Variants in OPRM1 observed in about 807,000 individuals in gnomAD.
OPRM1 encodes mu-type opioid receptor.
In OPRM1, 27 loss-of-function variants were observed where a neutral mutation model predicts 31.8. That is an observed-to-expected ratio of 0.85 (90% CI 0.63 to 1.17). OPRM1 has a LOEUF of 1.17. Among genes scored for constraint, OPRM1 ranks in the 50% most tolerant of loss-of-function variants. OPRM1 has a pLI of 0.00. For missense variants in OPRM1, 536 were observed against 511.1 expected (o/e 1.05, Z -0.47); for synonymous variants, 196 against 189.9 (o/e 1.03, Z -0.26).
chr6:154,108,161 AT>A (rs35119352), intron 3 of OPRM1: 99,726 of 432,742 alleles, frequency 0.23, 9,638 homozygotes, highest in Middle Eastern at 0.27. Flanking sequence ...CATAAAGGAA[AT>A]TTTTTTTTTT....
At chr6:154,147,896 T>C (rs1488804681) in intron 3 of OPRM1, among the ~76,000 whole-genome samples, 1 of 152,230 alleles carries the variant, frequency 6.6e-6, no homozygotes, top group African/African-American at 2.4e-5. Context: ...CCTTGGTTCC[T>C]TGACCTATAT....
At chr6:154,190,738 TA>T (rs1377278275) in intron 3 of OPRM1, among the ~76,000 whole-genome samples, 1 of 152,228 alleles carries the variant, frequency 6.6e-6, no homozygotes, top group Non-Finnish European at 1.5e-5. Flanking sequence ...TTCATAATTT[TA>T]AAAACTTGGA....
intron 3 of OPRM1, among the ~76,000 whole-genome samples, chr6:154,092,634 A>G (rs1329579852): frequency 6.6e-6 from 1 of 152,046 alleles, no homozygotes; most frequent in Non-Finnish European, 1.5e-5. Flanking sequence ...TCTTGACCAC[A>G]CCCTGTCTCT....
chr6:154,019,645 C>G (rs188857454), intron 1 of OPRM1, among the ~76,000 whole-genome samples: 7 of 152,116 alleles, frequency 4.6e-5, no homozygotes, highest in Admixed American at 4.6e-4. Context: ...TGAAGTCACA[C>G]AGTACATAGC....
chr6:154,091,416 C>T lies in OPRM1; in HGVS notation c.1108C>T (p.Gln370Ter). The change falls in exon 3 of 4, where the codon CAG (glutamine) becomes TAG (stop). Residue 370 changes from glutamine (Q) to a stop codon, truncating the protein, a stop_gained. Coordinates refer to ENST00000330432, the MANE Select transcript of OPRM1 (RefSeq NM_000914.5). LOFTEE classifies it high-confidence loss of function. ...GCAACAAAACTCCACTCGAATTCGT[C>T]AGAACACTAGAGACCACCCCTCCAC... ...IEQQNSTRIR[Q>*]NTRDHPSTAN... is the part of the protein sequence containing the mutation. The T allele has an allele frequency of 6.2e-7, 1 of 1,613,986 alleles. No individual in the cohort carries two copies. The highest frequency in any genetic ancestry group is 8.5e-7 in the Non-Finnish European group (1 of 1,180,036).
At position 154,127,690 on chromosome 6, in the gene OPRM1, A is replaced by G. The variant is rs910855068; in HGVS notation, c.*8969A>G. 1.2e-4 allele frequency among the ~76,000 whole-genome samples: 18 copies of G among 152,204 alleles called. No homozygotes were observed. The highest frequency in any genetic ancestry group is 3.6e-4 in the African/African-American group (15 of 41,450). ...TTTGACTTAGAGCCAGTCAGAATTC[A>G]ATCTCCAATATCCTGACTAGCACAA... On this transcript the variant is annotated 3_prime_UTR_variant, in exon 4 of 4. Transcript: ENST00000330432.
intron 1 of OPRM1, chr6:154,086,786 C>G: frequency 2.0e-6 from 2 of 985,288 alleles, no homozygotes; most frequent in Non-Finnish European, 2.4e-6. Flanking sequence ...AGGAAAGTGG[C>G]AAATGCAATG....
intron 3 of OPRM1, among the ~76,000 whole-genome samples, chr6:154,238,919 G>GTT (rs202069850): frequency 1.2e-4 from 17 of 147,772 alleles, no homozygotes; most frequent in African/African-American, 4.3e-4. Flanking sequence ...ATTCTATATT[G>GTT]TTGTTTTTTT....
At chr6:154,029,002 AG>A (rs1485381717) in intron 1 of OPRM1, among the ~76,000 whole-genome samples, 1 of 152,172 alleles carries the variant, frequency 6.6e-6, no homozygotes, top group Non-Finnish European at 1.5e-5. Flanking sequence ...TGTTCTTATC[AG>A]GGGGACAATT....
At chr6:154,148,121 T>C (rs985793537) in intron 3 of OPRM1, among the ~76,000 whole-genome samples, 1 of 152,184 alleles carries the variant, frequency 6.6e-6, no homozygotes, top group African/African-American at 2.4e-5. Context: ...CATGATCCCA[T>C]GATTATGTGC....
At chr6:154,170,743 A>G (rs1799806733) in intron 3 of OPRM1, among the ~76,000 whole-genome samples, 2 of 152,234 alleles carry the variant, frequency 1.3e-5, no homozygotes. Flanking sequence ...CCATCATGAG[A>G]TGTCCCTTCA....
At chr6:154,141,334 C>A (rs1583650493) in intron 3 of OPRM1, among the ~76,000 whole-genome samples, 1 of 152,138 alleles carries the variant, frequency 6.6e-6, no homozygotes, top group East Asian at 1.9e-4. Flanking sequence ...GTGCTCTATC[C>A]CCTAGGTCTG....
intron 3 of OPRM1, among the ~76,000 whole-genome samples, chr6:154,221,016 C>T (rs1778823431): frequency 6.6e-6 from 1 of 152,178 alleles, no homozygotes; most frequent in Non-Finnish European, 1.5e-5. Context: ...TGACTTCTGT[C>T]CACTCCTTTT....
intron 3 of OPRM1, among the ~76,000 whole-genome samples, chr6:154,180,414 A>ATATATATATATATATATT (rs1241250621): frequency 1.5e-5 from 1 of 65,268 alleles, no homozygotes; most frequent in South Asian, 3.9e-4. Context: ...ATATATATAT[A>ATATATATATATATATATT]TTTTTTTTTT....
intron 3 of OPRM1, among the ~76,000 whole-genome samples, chr6:154,150,476 A>G (rs541352412): frequency 5.7e-4 from 87 of 152,328 alleles, no homozygotes; most frequent in South Asian, 1.5e-3. Context: ...TTGACAAATC[A>G]GGCACCCAAG....
chr6:154,029,523 CA>C (rs1562377343), intron 1 of OPRM1, among the ~76,000 whole-genome samples: 1 of 152,134 alleles, frequency 6.6e-6, no homozygotes. Context: ...TTTAATATTT[CA>C]AAAAAACCAA....
chr6:154,139,854 G>A (rs1405300947), intron 3 of OPRM1, among the ~76,000 whole-genome samples: 1 of 152,086 alleles, frequency 6.6e-6, no homozygotes, highest in Non-Finnish European at 1.5e-5. Context: ...TGGAAGACAT[G>A]ATCTGCAGAC....
downstream of OPRM1, among the ~76,000 whole-genome samples, chr6:154,137,018 T>C (rs1159578014): frequency 6.6e-6 from 1 of 152,214 alleles, no homozygotes; most frequent in Non-Finnish European, 1.5e-5. Context: ...CACTAAGATC[T>C]TTATGATCTC....
chr6:154,202,589 CT>C (rs1489821629), intron 3 of OPRM1, among the ~76,000 whole-genome samples: 2 of 152,188 alleles, frequency 1.3e-5, no homozygotes, highest in Non-Finnish European at 2.9e-5. Flanking sequence ...CTCCTGCTGA[CT>C]CTACTTTAAA....
Sources: gnomAD v4.1 joint callset for allele counts (sites outside exome capture counted in the v4.1 genomes callset) on GRCh38, gnomAD v4.1.1 for gene constraint, MANE v1.5 for transcripts, NCBI Gene and HGNC (gene_info 2026-07-23, HGNC 2026-07-21) for gene names.